The following PRDM16 variants were observed in gnomAD, a reference collection of about 807,000 sequenced individuals.
The protein encoded by PRDM16 is PR/SET domain 16.
A neutral mutation model predicts 110.6 loss-of-function variants in PRDM16; 23 were observed. The observed-to-expected ratio is 0.21, with a 90% CI of 0.15 to 0.29. The LOEUF is 0.29. Among genes scored for constraint, PRDM16 ranks in the 10% least tolerant of loss-of-function variants. PRDM16 has a pLI of 1.00. For missense variants in PRDM16, 1,615 were observed against 1,794.3 expected (o/e 0.90, Z 1.81); for synonymous variants, 799 against 781.8 (o/e 1.02, Z -0.37).
chr1:3,129,463 ATGTG>A (rs149387082), intron 1 of PRDM16, among the ~76,000 whole-genome samples: 2 of 150,504 alleles, frequency 1.3e-5, no homozygotes, highest in Non-Finnish European at 1.5e-5. Flanking sequence ...CTGTGTGTGC[ATGTG>A]TGTGTGTGTG....
chr1:3,364,225 TGAAAA>T (rs1433283039), intron 3 of PRDM16, among the ~76,000 whole-genome samples: 4 of 152,144 alleles, frequency 2.6e-5, no homozygotes, highest in Non-Finnish European at 5.9e-5. Flanking sequence ...TGAATGTGCT[TGAAAA>T]GAAGACAGAG....
intron 8 of PRDM16, among the ~76,000 whole-genome samples, chr1:3,410,817 C>A (rs1000563939): frequency 6.6e-6 from 1 of 152,168 alleles, no homozygotes; most frequent in Non-Finnish European, 1.5e-5. Flanking sequence ...GTGGCAGACA[C>A]CATCACATGC....
intron 3 of PRDM16, among the ~76,000 whole-genome samples, chr1:3,270,123 C>T (rs1344797030): frequency 2.0e-5 from 3 of 147,782 alleles, no homozygotes; most frequent in Non-Finnish European, 4.5e-5. Context: ...GAGAGGAGGA[C>T]AGTCGGGGAG....
Position 3,402,858 on chromosome 1 carries a change from TAAG to T in PRDM16, c.748_750del (p.Lys250del), listed in dbSNP as rs759496757. On this transcript the variant is annotated inframe_deletion, in exon 6 of 17. Transcript: ENST00000270722. ...AGTCCAAGCTGGACCTGCGGCGCCATAAGAAGTACACGTGTGGCTCAGTGGGGG... is the reference window on the plus strand; with the variant it reads ...AGTCCAAGCTGGACCTGCGGCGCCATAAGTACACGTGTGGCTCAGTGGGGG... 1.9e-6 allele frequency: 3 copies of T among 1,612,928 alleles called. No homozygotes were observed. In the East Asian group the frequency reaches 6.7e-5, roughly 36 times the overall value.
chr1:3,357,413 C>T (rs975578222), intron 3 of PRDM16, among the ~76,000 whole-genome samples: 1 of 151,192 alleles, frequency 6.6e-6, no homozygotes, highest in Non-Finnish European at 1.5e-5. Flanking sequence ...GTCTCCAGCT[C>T]CAGCCGTGGG....
At chr1:3,409,595 C>G (rs1432584253) in intron 8 of PRDM16, among the ~76,000 whole-genome samples, 1 of 152,070 alleles carries the variant, frequency 6.6e-6, no homozygotes. Context: ...TTGTTTCCAC[C>G]ACGCCGTGTT....
At chr1:3,342,548 C>T (rs1422986683) in intron 3 of PRDM16, among the ~76,000 whole-genome samples, 3 of 152,204 alleles carry the variant, frequency 2.0e-5, no homozygotes, top group African/African-American at 7.2e-5. Flanking sequence ...GTAGCCTATA[C>T]GTACCATGAG....
At position 3,214,255 on chromosome 1, in the gene PRDM16, C is replaced by T. The variant is rs74048317; in HGVS notation, c.387+27781C>T. On this transcript the variant is annotated intron_variant, in intron 2 of 16. Coordinates refer to ENST00000270722, the MANE Select transcript of PRDM16 (RefSeq NM_022114.4). ...TTCTAGATCTGAGGAGGGTCTGACACGCTGGGCAACTTCCAACCCTAACAC... is the reference window on the plus strand; with the variant it reads ...TTCTAGATCTGAGGAGGGTCTGACATGCTGGGCAACTTCCAACCCTAACAC... Among the ~76,000 whole-genome samples the T allele has an allele frequency of 7.8e-3, 1,186 of 152,302 alleles. 14 individuals are homozygous for T. Among genetic ancestry groups the T allele is most frequent in the African/African-American group, 0.027 (1,132 of 41,550 alleles).
At chr1:3,282,818 G>C (rs570151421) in intron 3 of PRDM16, among the ~76,000 whole-genome samples, 32 of 152,162 alleles carry the variant, frequency 2.1e-4, no homozygotes, top group African/African-American at 7.5e-4. Flanking sequence ...AGCCGTGGCC[G>C]GAGGGGCACG....
intron 2 of PRDM16, among the ~76,000 whole-genome samples, chr1:3,194,717 G>A (rs866057511): frequency 1.6e-4 from 25 of 151,968 alleles, no homozygotes; most frequent in Middle Eastern, 3.4e-3. Context: ...ACACGCCACC[G>A]TCTCCCCGCC....
rs945993399 is a variant in PRDM16 at position 3,390,948 on chromosome 1, G to A, written c.574-5543G>A. On this transcript the variant is annotated intron_variant, in intron 4 of 16. Transcript: ENST00000270722. This position sits in a 1 kb window ranked among gnomAD's most constrained non-coding sequence, Gnocchi z 5.0. The stretch of plus-strand genomic sequence containing the variant: ...CCTCCCGGGTTCAAGCGATTCTCCT[G>A]TCTCAGCCTCTCAAGTAGCTGGGAT... 2.0e-5 allele frequency among the ~76,000 whole-genome samples: 3 copies of A among 150,360 alleles called. No homozygotes were observed. Among genetic ancestry groups the A allele is most frequent in the Admixed American group, 6.7e-5 (1 of 14,982 alleles).
chr1:3,388,032 C>A (rs1463358841), intron 4 of PRDM16, among the ~76,000 whole-genome samples: 2 of 152,242 alleles, frequency 1.3e-5, no homozygotes, highest in East Asian at 3.8e-4. Context: ...TGGGTTCCTG[C>A]AAAGCAACCT....
At chr1:3,151,145 T>A (rs1433361953) in intron 1 of PRDM16, among the ~76,000 whole-genome samples, 1 of 152,170 alleles carries the variant, frequency 6.6e-6, no homozygotes, top group Non-Finnish European at 1.5e-5. Context: ...AGCTTCCCAG[T>A]TGCCTTTGTC....
At chr1:3,223,088 T>C (rs994764543) in intron 2 of PRDM16, among the ~76,000 whole-genome samples, 1 of 135,038 alleles carries the variant, frequency 7.4e-6, no homozygotes, top group Non-Finnish European at 1.5e-5. Context: ...GCCTCCGCCG[T>C]GGCCAAAATC....
chr1:3,140,663 G>T (rs1015960201), intron 1 of PRDM16, among the ~76,000 whole-genome samples: 2 of 152,186 alleles, frequency 1.3e-5, no homozygotes, highest in African/African-American at 4.8e-5. Context: ...GGACAGCGTC[G>T]CCACCAGGCA....
At chr1:3,118,197 A>G (rs539300146) in intron 1 of PRDM16, among the ~76,000 whole-genome samples, 1 of 151,476 alleles carries the variant, frequency 6.6e-6, no homozygotes, top group Admixed American at 6.6e-5. Flanking sequence ...GCATGCATGT[A>G]CACACGCACA....
intron 14 of PRDM16, among the ~76,000 whole-genome samples, chr1:3,426,970 A>T (rs1009421250): frequency 9.4e-6 from 1 of 105,950 alleles, no homozygotes; most frequent in African/African-American, 3.6e-5. Context: ...GTGCATAAAC[A>T]TGCCTGCCTA....
intron 3 of PRDM16, among the ~76,000 whole-genome samples, chr1:3,320,493 G>A (rs952427384): frequency 1.3e-5 from 2 of 152,168 alleles, no homozygotes; most frequent in African/African-American, 2.4e-5. Flanking sequence ...GCTGCCTCCC[G>A]GGTTCTTGGA....
intron 3 of PRDM16, among the ~76,000 whole-genome samples, chr1:3,338,631 T>TA (rs1642209601): frequency 6.6e-6 from 1 of 152,168 alleles, no homozygotes; most frequent in African/African-American, 2.4e-5. Context: ...TCCGGCCTGA[T>TA]AACCCGGGCT....
Sources: allele counts gnomAD v4.1 joint callset (sites outside exome capture counted in the v4.1 genomes callset), GRCh38; gene constraint gnomAD v4.1.1; non-coding constraint Gnocchi (gnomAD v3.1); transcripts MANE v1.5; gene names NCBI Gene and HGNC (gene_info 2026-07-23, HGNC 2026-07-21).